The following CNNM1 variants were observed in gnomAD, a reference collection of about 807,000 sequenced individuals.
CNNM1 encodes the protein cyclin and CBS domain divalent metal cation transport mediator 1, also known as metal transporter CNNM1.
Under a neutral mutation model 78.8 loss-of-function variants are expected in CNNM1, and 44 were observed. That is an observed-to-expected ratio of 0.56 (90% CI 0.44 to 0.72). The LOEUF (loss-of-function observed/expected upper bound fraction) is 0.72. Among genes scored for constraint, CNNM1 ranks in the 30% least tolerant of loss-of-function variants. The pLI is 0.00. For synonymous variants in CNNM1, 584 were observed against 581.5 expected (o/e 1.00, Z -0.06); for missense variants, 1,101 against 1,292.2 (o/e 0.85, Z 2.27).
Position 99,364,996 on chromosome 10 carries a change from G to T in CNNM1, c.2170G>T (p.Val724Phe). The T allele has an allele frequency of 1.2e-6, 2 of 1,613,926 alleles. No homozygotes were observed. Among genetic ancestry groups the T allele is most frequent in the Non-Finnish European group, 1.7e-6 (2 of 1,179,882 alleles). The change falls in exon 6 of 11, where the codon GTC (valine) becomes TTC (phenylalanine). Residue 724 changes from valine to phenylalanine, a missense_variant. Transcript: ENST00000356713. The stretch of plus-strand genomic sequence containing the variant: ...GGTTGGAAGTCTGGCTGGATCTTCT[G>T]TCTTTCGTATGTATCTCTCAAACCC... ...RKVGSLAGSS[V>F]FLNRSPSRCS...
chr10:99,364,159 A>G (rs982758119), intron 4 of CNNM1, among the ~76,000 whole-genome samples: 18 of 152,198 alleles, frequency 1.2e-4, no homozygotes, highest in Non-Finnish European at 2.6e-4. Context: ...GGGCCACTAC[A>G]GTATGCAAGG....
chr10:99,340,105 A>T (rs1216414022), intron 1 of CNNM1, among the ~76,000 whole-genome samples: 2 of 152,272 alleles, frequency 1.3e-5, no homozygotes, highest in Admixed American at 1.3e-4. Flanking sequence ...ATATAGAGAG[A>T]AAGAATGAAA....
At position 99,384,145 on chromosome 10, in the gene CNNM1, C is replaced by T. The variant is rs551263299; in HGVS notation, c.2341-3675C>T. Among the ~76,000 whole-genome samples, 14 of 152,286 alleles carry T rather than the reference C, an allele frequency of 9.2e-5. No individual in the cohort carries two copies. The East Asian group carries it at 2.7e-3, about 29-fold the overall frequency. ...CCGACGGGACTCACGTTACATTTCT[C>T]TTCAACAGTATTACGCTAGATTAAA... On this transcript the variant is annotated intron_variant, in intron 7 of 10. Coordinates refer to ENST00000356713, the MANE Select transcript of CNNM1 (RefSeq NM_020348.3).
intron 7 of CNNM1, among the ~76,000 whole-genome samples, chr10:99,385,492 C>T (rs920179229): frequency 2.6e-5 from 4 of 152,206 alleles, no homozygotes; most frequent in African/African-American, 9.6e-5. Flanking sequence ...CCACCTCCAC[C>T]CTGTGTGTGG....
At chr10:99,370,932 G>A (rs1311077917) in intron 6 of CNNM1, among the ~76,000 whole-genome samples, 1 of 152,140 alleles carries the variant, frequency 6.6e-6, no homozygotes, top group African/African-American at 2.4e-5. Flanking sequence ...AGATAGGCAG[G>A]AATAGTCATT....
rs201549369 is a variant in CNNM1, at chr10:99,388,022, C to T, written c.2524+19C>T. 1.8e-4 allele frequency: 290 copies of T among 1,578,172 alleles called. No individual in the cohort carries two copies. The East Asian group carries it at 4.9e-3, about 27-fold the overall frequency. Reference sequence around the variant, plus strand: ...CTGCCGTGTAAGTCAGCTGGGCAGACGGGCAGGCTGGGCTGGTGTGGGGTG... The same window carrying T: ...CTGCCGTGTAAGTCAGCTGGGCAGATGGGCAGGCTGGGCTGGTGTGGGGTG... On this transcript the variant is annotated intron_variant, in intron 8 of 10. Coordinates refer to ENST00000356713, the MANE Select transcript of CNNM1 (RefSeq NM_020348.3).
chr10:99,386,990 G>T (rs1268642168), intron 7 of CNNM1, among the ~76,000 whole-genome samples: 1 of 152,170 alleles, frequency 6.6e-6, no homozygotes, highest in Non-Finnish European at 1.5e-5. Context: ...AGTGCCAGCC[G>T]CTGATGAGTG....
At chr10:99,350,811 A>G (rs1215602884) in intron 1 of CNNM1, among the ~76,000 whole-genome samples, 1 of 151,892 alleles carries the variant, frequency 6.6e-6, no homozygotes, top group East Asian at 1.9e-4. Context: ...CACCCCCCTA[A>G]TAGGCCAGGG....
At chr10:99,338,184 G>C (rs934381536) in intron 1 of CNNM1, among the ~76,000 whole-genome samples, 46 of 152,058 alleles carry the variant, frequency 3.0e-4, no homozygotes, top group African/African-American at 1.1e-3. Context: ...ATAAGTACAG[G>C]ATATGGGTAA....
At chr10:99,390,730 A>G (rs544171349) in intron 10 of CNNM1, among the ~76,000 whole-genome samples, 57 of 152,332 alleles carry the variant, frequency 3.7e-4, no homozygotes, top group African/African-American at 1.3e-3. Flanking sequence ...ATCTATGGCA[A>G]CAATGTCAGA....
At chr10:99,383,087 T>C (rs1471885462) in intron 7 of CNNM1, among the ~76,000 whole-genome samples, 2 of 152,194 alleles carry the variant, frequency 1.3e-5, no homozygotes, top group Non-Finnish European at 2.9e-5. Flanking sequence ...GCATTAACAA[T>C]GGTTCTGGGT....
At chr10:99,380,244 C>T (rs933950965) in intron 7 of CNNM1, among the ~76,000 whole-genome samples, 14 of 152,144 alleles carry the variant, frequency 9.2e-5, no homozygotes, top group African/African-American at 3.4e-4. Context: ...AGGATTTCAA[C>T]ATATGAATAT....
Position 99,390,462 on chromosome 10 carries a change from A to C in CNNM1, c.2776+55A>C, listed in dbSNP as rs200394516. On this transcript the variant is annotated intron_variant, in intron 10 of 10. Transcript: ENST00000356713. ...AGCCACCCTGCTGATGGTTAGTAGG[A>C]AAAGCATGTTAGCATCTTCCTCTTG... 2.3e-6 allele frequency: 3 copies of C among 1,281,598 alleles called. No individual in the cohort carries two copies. The Admixed American group carries it at 5.6e-5, about 24-fold the overall frequency. 79.4% of individuals were successfully genotyped at this position (1,281,598 alleles called of 1,614,324 possible).
chr10:99,370,349 C>G (rs2031758598), intron 6 of CNNM1, among the ~76,000 whole-genome samples: 1 of 151,140 alleles, frequency 6.6e-6, no homozygotes, highest in Non-Finnish European at 1.5e-5. Flanking sequence ...TGGTTTAACT[C>G]TGCAGGGTGG....
intron 7 of CNNM1, 29 bp from the exon 8 acceptor site, chr10:99,387,791 C>T: frequency 6.4e-7 from 1 of 1,551,654 alleles, no homozygotes. Flanking sequence ...TGCCTAGCTG[C>T]TCCTAAGCTC....
At chr10:99,387,472 C>T (rs140029848) in intron 7 of CNNM1, among the ~76,000 whole-genome samples, 2 of 152,324 alleles carry the variant, frequency 1.3e-5, no homozygotes, top group South Asian at 2.1e-4. Context: ...CCCGACTGAC[C>T]CTTTGGGCCT....
chr10:99,354,314 G>A (rs1255360770), intron 1 of CNNM1, among the ~76,000 whole-genome samples: 2 of 152,022 alleles, frequency 1.3e-5, no homozygotes, highest in East Asian at 3.8e-4. Context: ...TTTCCAAGAA[G>A]GATAATTTTA....
chr10:99,373,521 A>G lies in CNNM1; in HGVS notation c.2177-3534A>G, dbSNP rs2031869306. ...ATCCAGCCACCACCCTAAAACAGCT[A>G]CAAATGGGTCTGGCCAAGCCAGAAC... On this transcript the variant is annotated intron_variant, in intron 6 of 10. Transcript: ENST00000356713. 3.3e-5 allele frequency among the ~76,000 whole-genome samples: 5 copies of G among 152,230 alleles called. No individual in the cohort carries two copies. The South Asian group carries it at 8.3e-4, about 25-fold the overall frequency.
Position 99,329,623 on chromosome 10 carries a change from G to C in CNNM1, c.236G>C (p.Gly79Ala). The change falls in exon 1 of 11, where the codon GGA becomes GCA. Residue 79 changes from glycine to alanine, a missense_variant. By Grantham distance (60) the Gly-to-Ala change is moderately conservative (BLOSUM62 0). Coordinates refer to ENST00000356713, the MANE Select transcript of CNNM1 (RefSeq NM_020348.3). ...CTCCTGCGTGTCTATTTCCAGCCAGGACCGCCGGCCACCGCCGCACCGGTG... is the reference window on the plus strand; with the variant it reads ...CTCCTGCGTGTCTATTTCCAGCCAGCACCGCCGGCCACCGCCGCACCGGTG... Reference protein sequence around the residue: ...SFLLRVYFQPGPPATAAPVPS... With the variant: ...SFLLRVYFQPAPPATAAPVPS... The C allele has an allele frequency of 6.6e-7, 1 of 1,508,496 alleles. No homozygotes were observed. Among genetic ancestry groups the C allele is most frequent in the South Asian group, 1.3e-5 (1 of 79,786 alleles). 93.4% of individuals were successfully genotyped at this position (1,508,496 alleles called of 1,614,324 possible). A position where few individuals can be genotyped will look rare whatever the true frequency, so the allele number is the denominator to read the frequency against.
Sources: gnomAD v4.1 joint callset for allele counts (sites outside exome capture counted in the v4.1 genomes callset) on GRCh38, gnomAD v4.1.1 for gene constraint, MANE v1.5 for transcripts, NCBI Gene and HGNC (gene_info 2026-07-23, HGNC 2026-07-21) for gene names.